EDEM1: variants seen among roughly 807,000 people sequenced by gnomAD.
The protein encoded by EDEM1 is ER degradation enhancing alpha-mannosidase like protein 1, also known as ER degradation-enhancing alpha-mannosidase-like protein 1.
EDEM1 carries 67 observed loss-of-function variants against 74.4 expected under a neutral mutation model. The ratio of observed to expected loss-of-function variants is 0.90; its 90% CI spans 0.74 to 1.10. The LOEUF is 1.10. Ranked by LOEUF, EDEM1 falls within the 50% of genes least tolerant of loss-of-function variation. The pLI is 0.00. For synonymous variants in EDEM1, 382 were observed against 335.9 expected (o/e 1.14, Z -1.50); for missense variants, 926 against 851.6 (o/e 1.09, Z -1.09).
At chr3:5,196,176 G>A (rs2106590571) in intron 2 of EDEM1, among the ~76,000 whole-genome samples, 1 of 152,308 alleles carries the variant, frequency 6.6e-6, no homozygotes, top group Middle Eastern at 3.4e-3. Flanking sequence ...TAGAATTGGG[G>A]CCGGGCGCAG....
chr3:5,195,617 G>A (rs1435583878), intron 2 of EDEM1, among the ~76,000 whole-genome samples: 1 of 152,136 alleles, frequency 6.6e-6, no homozygotes, highest in African/African-American at 2.4e-5. Flanking sequence ...GCTATTCCAG[G>A]AGTAAAAGAG....
In EDEM1 at chr3:5,187,923, A is replaced by G. The variant is rs765826394; in HGVS notation, c.118A>G (p.Ser40Gly). The G allele has an allele frequency of 1.3e-6, 2 of 1,592,934 alleles. No individual in the cohort carries two copies. Among genetic ancestry groups the G allele is most frequent in the South Asian group, 1.1e-5 (1 of 88,512 alleles). The change falls in exon 1 of 12, where the codon AGC becomes GGC. Residue 40 changes from serine (S) to glycine (G), a missense_variant. Physicochemically the swap from Ser to Gly is moderately conservative, Grantham distance 56 (BLOSUM62 0). Coordinates refer to ENST00000256497, the MANE Select transcript of EDEM1 (RefSeq NM_014674.3). ...GGGCTTCTACCAGCGCTTTCCGCTCAGCTTCGGCTTCCAGCGTCTGAGGAG... is the reference window on the plus strand; with the variant it reads ...GGGCTTCTACCAGCGCTTTCCGCTCGGCTTCGGCTTCCAGCGTCTGAGGAG... ...SMGFYQRFPL[S>G]FGFQRLRSPD...
chr3:5,198,796 A>G (rs1226051322), intron 2 of EDEM1, among the ~76,000 whole-genome samples: 1 of 144,560 alleles, frequency 6.9e-6, no homozygotes, highest in East Asian at 2.1e-4. Context: ...CCAGAAATTT[A>G]TTTTTCTATC....
chr3:5,187,938 C>G lies in EDEM1; in HGVS notation c.133C>G (p.Arg45Gly), dbSNP rs573802157. The G allele has an allele frequency of 6.3e-7, 1 of 1,584,076 alleles. No individual in the cohort carries two copies. Among genetic ancestry groups the G allele is most frequent in the Admixed American group, 1.8e-5 (1 of 56,380 alleles). The change falls in exon 1 of 12, where the codon CGT (arginine) becomes GGT (glycine). Residue 45 changes from arginine (R) to glycine (G), a missense_variant. Transcript: ENST00000256497. ...QRFPLSFGFQ[R>G]LRSPDGPASP... ...CTTTCCGCTCAGCTTCGGCTTCCAG[C>G]GTCTGAGGAGCCCCGACGGCCCCGC... is the stretch of plus-strand genomic sequence containing the variant.
chr3:5,208,117 G>T lies in EDEM1; in HGVS notation c.1363G>T (p.Ala455Ser). 6.2e-7 allele frequency: 1 copy of T among 1,605,076 alleles called. No individual in the cohort carries two copies. The highest frequency in any genetic ancestry group is 8.5e-7 in the Non-Finnish European group (1 of 1,177,452). The change falls in exon 8 of 12, where the codon GCC becomes TCC. Residue 455 changes from alanine (A) to serine (S), a missense_variant. Coordinates refer to ENST00000256497, the MANE Select transcript of EDEM1 (RefSeq NM_014674.3). ...LQVLIGDVED[A>S]ICLHAFYYAI... ...GGTGCTGATAGGAGATGTGGAAGAT[G>T]CCATCTGCCTTCATGCCTTCTACTA...
intron 1 of EDEM1, among the ~76,000 whole-genome samples, chr3:5,192,828 T>C (rs375422983): frequency 1.3e-5 from 2 of 152,092 alleles, no homozygotes; most frequent in Admixed American, 1.3e-4. Context: ...TAAGAAAGAA[T>C]TAAAAGTGTT....
rs1393704418 is a variant in EDEM1 at position 5,201,817 on chromosome 3, A to G, written c.751A>G (p.Met251Val). 2.5e-6 allele frequency: 4 copies of G among 1,614,226 alleles called. No homozygotes were observed. Among genetic ancestry groups the G allele is most frequent in the East Asian group, 2.2e-5 (1 of 44,884 alleles). ...TGACTCCAAGCAGCCCTTTGGTGAC[A>G]TGACAATTAAGGACTATGATAATGA... ...ITDSKQPFGD[M>V]TIKDYDNELL... Residue 251 changes from methionine to valine, a missense_variant, in exon 4 of 12, where the codon ATG becomes GTG. Coordinates refer to ENST00000256497, the MANE Select transcript of EDEM1 (RefSeq NM_014674.3).
intron 3 of EDEM1, among the ~76,000 whole-genome samples, chr3:5,200,151 C>G (rs148879047): frequency 6.6e-6 from 1 of 152,098 alleles, no homozygotes; most frequent in Non-Finnish European, 1.5e-5. Context: ...AGGCTGGTCT[C>G]GAACTCCTGA....
Position 5,201,831 on chromosome 3 carries a change from C to CTA in EDEM1, c.767_768dup (p.Asp257MetfsTer32), listed in dbSNP as rs759264404. The CTA allele has an allele frequency of 6.2e-7, 1 of 1,614,188 alleles. No individual in the cohort carries two copies. The highest frequency in any genetic ancestry group is 2.2e-5 in the East Asian group (1 of 44,884). ...CCTTTGGTGACATGACAATTAAGGACTATGATAATGAGTTGTTATACATGG... is the reference window on the plus strand; with the variant it reads ...CCTTTGGTGACATGACAATTAAGGACTATATGATAATGAGTTGTTATACATGG... On this transcript the variant is annotated frameshift_variant, in exon 4 of 12. Transcript: ENST00000256497. LOFTEE classifies it high-confidence loss of function.
intron 2 of EDEM1, among the ~76,000 whole-genome samples, chr3:5,196,930 C>CTTTTT (rs1488633815): frequency 6.7e-6 from 1 of 148,674 alleles, no homozygotes; most frequent in African/African-American, 2.5e-5. Flanking sequence ...CTTTTCTTTT[C>CTTTTT]TTTTCTTTTT....
chr3:5,209,651 T>G (rs1180903066), intron 8 of EDEM1, among the ~76,000 whole-genome samples: 1 of 152,156 alleles, frequency 6.6e-6, no homozygotes, highest in Non-Finnish European at 1.5e-5. Context: ...AGAGTATGTG[T>G]GAGAAGAGTA....
rs987230953 is a variant in EDEM1 at position 5,217,762 on chromosome 3, T to G, written c.*1844T>G. 2.6e-5 allele frequency: 4 copies of G among 152,202 alleles called. No homozygotes were observed. The highest frequency in any genetic ancestry group is 2.6e-4 in the Admixed American group (4 of 15,284). 9.4% of individuals were successfully genotyped at this position (152,202 alleles called of 1,614,324 possible). On this transcript the variant is annotated 3_prime_UTR_variant, in exon 12 of 12. Coordinates refer to ENST00000256497, the MANE Select transcript of EDEM1 (RefSeq NM_014674.3). The stretch of plus-strand genomic sequence containing the variant: ...TTGAGAATAATATATATATATATTT[T>G]AAATGTTTTCACTGACTCATTGAAA...
Position 5,219,245 on chromosome 3 carries a change from T to G in EDEM1, c.*3327T>G, listed in dbSNP as rs897727533. ...GGAGGGCACCAGGGGCCTTTCTCTT[T>G]GATAAATTTTTTTTGTCTGTTGACA... On this transcript the variant is annotated 3_prime_UTR_variant, in exon 12 of 12. Transcript: ENST00000256497. 3.3e-5 allele frequency: 5 copies of G among 152,372 alleles called. No individual in the cohort carries two copies. The highest frequency in any genetic ancestry group is 1.2e-4 in the African/African-American group (5 of 41,592). The allele number at this position is 152,372 out of a possible 1,614,324, so 9.4% of individuals were successfully genotyped here.
intron 7 of EDEM1, among the ~76,000 whole-genome samples, chr3:5,207,663 C>T (rs2055115085): frequency 6.6e-6 from 1 of 152,112 alleles, no homozygotes; most frequent in African/African-American, 2.4e-5. Flanking sequence ...CCTGCCACCA[C>T]ATCCGGCTAA....
chr3:5,191,742 A>T (rs1045433657), intron 1 of EDEM1, among the ~76,000 whole-genome samples: 3 of 152,208 alleles, frequency 2.0e-5, no homozygotes, highest in African/African-American at 7.2e-5. Flanking sequence ...GTAAGGAGTT[A>T]ACATGAAGTG....
rs2648646 is a variant in EDEM1, at chr3:5,217,300, T to C, written c.*1382T>C. ...GCTACTCTTACACAGTGCAGCAGGG[T>C]TGACTCTTAGTCTGGCTTCCATGAA... On this transcript the variant is annotated 3_prime_UTR_variant, in exon 12 of 12. Coordinates refer to ENST00000256497, the MANE Select transcript of EDEM1 (RefSeq NM_014674.3). The C allele has an allele frequency of 0.79, 120,495 of 152,638 alleles. 47,784 individuals carry two copies. The highest frequency in any genetic ancestry group is 0.93 in the East Asian group (4,831 of 5,190). The allele number at this position is 152,638 out of a possible 1,614,324, so 9.5% of individuals were successfully genotyped here. A position where few individuals can be genotyped will look rare whatever the true frequency, so the allele number is the denominator to read the frequency against.
At chr3:5,191,414 G>A (rs1365829044) in intron 1 of EDEM1, among the ~76,000 whole-genome samples, 1 of 150,020 alleles carries the variant, frequency 6.7e-6, no homozygotes, top group African/African-American at 2.5e-5. Context: ...TAATTTTTCT[G>A]TAGAAGTGGG....
chr3:5,203,026 G>T lies in EDEM1; in HGVS notation c.919G>T (p.Gly307Cys). ...TNNETCTAGA[G>C]SLLVEFGILS... The stretch of plus-strand genomic sequence containing the variant: ...TAATGAGACATGCACAGCGGGAGCC[G>T]GTTCCCTCCTGGTGGAATTTGGGAT... The change falls in exon 5 of 12, where the codon GGT (glycine) becomes TGT (cysteine). Residue 307 changes from glycine (G) to cysteine (C), a missense_variant. By Grantham distance (159) the Gly-to-Cys change is radical. Transcript: ENST00000256497. 1 of 1,613,826 alleles carries T rather than the reference G, an allele frequency of 6.2e-7. No homozygotes were observed. Among genetic ancestry groups the T allele is most frequent in the Non-Finnish European group, 8.5e-7 (1 of 1,179,856 alleles).
chr3:5,211,153 C>A lies in EDEM1; in HGVS notation c.1617C>A (p.Asp539Glu). 2 of 1,614,158 alleles carry A rather than the reference C, an allele frequency of 1.2e-6. No homozygotes were observed. Among genetic ancestry groups the A allele is most frequent in the Non-Finnish European group, 1.7e-6 (2 of 1,180,030 alleles). Residue 539 changes from aspartate to glutamate, a missense_variant, in exon 10 of 12, where the codon GAC becomes GAA. Coordinates refer to ENST00000256497, the MANE Select transcript of EDEM1 (RefSeq NM_014674.3). ...CGYATLHHVI[D>E]KSTEDRMESF... ...ACGCCACGCTGCATCACGTCATTGA[C>A]AAGTCCACAGAAGACCGGATGGAGA...
Sources: gnomAD v4.1 joint callset for allele counts (sites outside exome capture counted in the v4.1 genomes callset) on GRCh38, gnomAD v4.1.1 for gene constraint, MANE v1.5 for transcripts, NCBI Gene and HGNC (gene_info 2026-07-23, HGNC 2026-07-21) for gene names.